MICU3: variants seen among roughly 807,000 people sequenced by gnomAD.
The protein encoded by MICU3 is mitochondrial calcium uptake 3.
A neutral mutation model predicts 66.5 loss-of-function variants in MICU3; 62 were observed. The observed-to-expected ratio is 0.93, with a 90% CI of 0.76 to 1.15. The LOEUF (loss-of-function observed/expected upper bound fraction) is 1.15, where lower values mean the gene tolerates loss of function less well. Among genes scored for constraint, MICU3 ranks in the 50% most tolerant of loss-of-function variants. MICU3 has a pLI of 0.00. For missense variants in MICU3, 779 were observed against 664.4 expected (o/e 1.17, Z -1.90); for synonymous variants, 308 against 240.7 (o/e 1.28, Z -2.59).
chr8:17,077,875 A>G lies in MICU3; in HGVS notation c.646+14A>G. The G allele has an allele frequency of 1.9e-6, 3 of 1,554,096 alleles. No homozygotes were observed. The highest frequency in any genetic ancestry group is 2.3e-5 in the South Asian group (2 of 88,304). ...TTAAAGAAAAAGGTGAGTTAACCTTAGTACTTGTTCTTTTTTTAAACTATA... is the reference window on the plus strand; with the variant it reads ...TTAAAGAAAAAGGTGAGTTAACCTTGGTACTTGTTCTTTTTTTAAACTATA... On this transcript the variant is annotated intron_variant, in intron 4 of 14. Transcript: ENST00000318063.
Position 17,064,140 on chromosome 8 carries a change from G to C in MICU3, c.438G>C (p.Glu146Asp). 1 of 1,613,378 alleles carries C rather than the reference G, an allele frequency of 6.2e-7. No homozygotes were observed. The highest frequency in any genetic ancestry group is 8.5e-7 in the Non-Finnish European group (1 of 1,179,496). ...EDLDLYATSR[E>D]RRFRLFASIE... ...TAGACCTTTATGCCACATCTCGGGAGAGGCGATTTCGTTTATTTGCTTCTA... is the reference window on the plus strand; with the variant it reads ...TAGACCTTTATGCCACATCTCGGGACAGGCGATTTCGTTTATTTGCTTCTA... The change falls in exon 2 of 15, where the codon GAG (glutamate) becomes GAC (aspartate). Residue 146 changes from glutamate to aspartate, a missense_variant. By Grantham distance (45) the Glu-to-Asp change is conservative (BLOSUM62 2). Coordinates refer to ENST00000318063, the MANE Select transcript of MICU3 (RefSeq NM_181723.3).
the MICU3 span, chr8:17,132,372 A>G: frequency 6.6e-6 from 1 of 152,294 alleles, no homozygotes; most frequent in Non-Finnish European, 1.5e-5. Context: ...AACCTGGTAG[A>G]GTAATTCAAA....
At chr8:17,130,070 G>A in the MICU3 span, among the ~76,000 whole-genome samples, 1 of 152,180 alleles carries the variant, frequency 6.6e-6, no homozygotes, top group African/African-American at 2.4e-5. Flanking sequence ...CTGTCGGAGA[G>A]AATGTAACCA....
At chr8:17,088,464 GTAAACAGT>G (rs1799704872) in intron 7 of MICU3, among the ~76,000 whole-genome samples, 1 of 151,832 alleles carries the variant, frequency 6.6e-6, no homozygotes, top group Non-Finnish European at 1.5e-5. Context: ...TACTAAATGA[GTAAACAGT>G]TATTTTAATT....
the MICU3 span, among the ~76,000 whole-genome samples, chr8:17,136,750 A>G: frequency 1.3e-5 from 2 of 151,944 alleles, no homozygotes; most frequent in Non-Finnish European, 2.9e-5. Flanking sequence ...CAGGCAGAGC[A>G]TGGTGGAAGC....
In MICU3 at chr8:17,064,186, T is replaced by C. The variant is rs981248910; in HGVS notation, c.484T>C (p.Phe162Leu). The C allele has an allele frequency of 6.2e-7, 1 of 1,613,000 alleles. No homozygotes were observed. The highest frequency in any genetic ancestry group is 1.1e-5 in the South Asian group (1 of 90,908). Residue 162 changes from phenylalanine to leucine, a missense_variant, in exon 2 of 15, where the codon TTC (phenylalanine) becomes CTC (leucine). Physicochemically the swap from Phe to Leu is conservative, Grantham distance 22. Coordinates refer to ENST00000318063, the MANE Select transcript of MICU3 (RefSeq NM_181723.3). ...TTCTATAGAATGTGAAGGGCAGTTA[T>C]TCATGACTCCGTATGATTTTATTTT... ...FASIECEGQL[F>L]MTPYDFILAV...
chr8:17,034,828 G>T (rs1283469121), intron 1 of MICU3, among the ~76,000 whole-genome samples: 2 of 152,202 alleles, frequency 1.3e-5, no homozygotes, highest in Non-Finnish European at 2.9e-5. Flanking sequence ...GTCTAATCCT[G>T]GTGAAGATGC....
intron 1 of MICU3, among the ~76,000 whole-genome samples, chr8:17,031,487 C>G (rs1311102921): frequency 6.6e-6 from 1 of 151,654 alleles, no homozygotes; most frequent in African/African-American, 2.4e-5. Context: ...CAGGGTTTCA[C>G]TATGTTGGCT....
At chr8:17,123,159 A>T (rs1162917464), downstream of MICU3, among the ~76,000 whole-genome samples, 1 of 152,116 alleles carries the variant, frequency 6.6e-6, no homozygotes. Flanking sequence ...AGCATTTTTA[A>T]TTTCTTAGTA....
Position 17,027,257 on chromosome 8 carries a change from C to T in MICU3, c.-23C>T, listed in dbSNP as rs747414231. The T allele has an allele frequency of 1.3e-5, 18 of 1,384,620 alleles. No individual in the cohort carries two copies. In the African/African-American group the frequency reaches 2.3e-4, roughly 18 times the overall value. 85.8% of individuals were successfully genotyped at this position (1,384,620 alleles called of 1,614,324 possible). On this transcript the variant is annotated 5_prime_UTR_variant, in exon 1 of 15. Coordinates refer to ENST00000318063, the MANE Select transcript of MICU3 (RefSeq NM_181723.3). ...CCCTCCGTTCTCTGCCCCCTCCCAG[C>T]TCTGGTGTGGGCGGCCTCCGCTATG...
intron 3 of MICU3, among the ~76,000 whole-genome samples, chr8:17,074,509 A>G (rs1820084013): frequency 6.6e-6 from 1 of 151,950 alleles, no homozygotes; most frequent in Admixed American, 6.6e-5. Context: ...GTATGTAGAG[A>G]ATGATTTAAT....
At chr8:17,103,950 T>A (rs922548343) in intron 9 of MICU3, among the ~76,000 whole-genome samples, 1 of 151,910 alleles carries the variant, frequency 6.6e-6, no homozygotes, top group Non-Finnish European at 1.5e-5. Flanking sequence ...TCAGCTCCAT[T>A]TATTCAGTAT....
chr8:17,111,423 G>C lies in MICU3; in HGVS notation c.1258-2670G>C, dbSNP rs138622680. Among the ~76,000 whole-genome samples the C allele has an allele frequency of 2.3e-3, 345 of 152,272 alleles. 3 individuals are homozygous for C. The highest frequency in any genetic ancestry group is 7.6e-3 in the African/African-American group (316 of 41,562). On this transcript the variant is annotated intron_variant, in intron 11 of 14. Coordinates refer to ENST00000318063, the MANE Select transcript of MICU3 (RefSeq NM_181723.3). The stretch of plus-strand genomic sequence containing the variant: ...TGCGACCTCAAACTCCTGGGCTCAA[G>C]TGATCCTCCTGCCTCAGCTTCTCAA...
chr8:17,128,854 G>C, the MICU3 span, among the ~76,000 whole-genome samples: 1 of 152,114 alleles, frequency 6.6e-6, no homozygotes, highest in Admixed American at 6.6e-5. Context: ...CCAGGGAAGG[G>C]GAGCTGTGCA....
intron 11 of MICU3, among the ~76,000 whole-genome samples, chr8:17,112,274 T>C (rs1165033685): frequency 6.6e-6 from 1 of 152,238 alleles, no homozygotes; most frequent in African/African-American, 2.4e-5. Flanking sequence ...TTTGATGTTT[T>C]CAGCTTTTCA....
intron 1 of MICU3, among the ~76,000 whole-genome samples, chr8:17,059,302 T>G (rs1016470846): frequency 6.6e-6 from 1 of 152,180 alleles, no homozygotes; most frequent in South Asian, 2.1e-4. Flanking sequence ...TAAGGACCAT[T>G]CTAACTCTAA....
At chr8:17,132,163 A>T in the MICU3 span, 1 of 152,248 alleles carries the variant, frequency 6.6e-6, no homozygotes, top group Non-Finnish European at 1.5e-5. Flanking sequence ...AGCAACTTGC[A>T]TATAAAATTT....
chr8:17,133,596 T>C, the MICU3 span, among the ~76,000 whole-genome samples: 1 of 152,140 alleles, frequency 6.6e-6, no homozygotes, highest in Non-Finnish European at 1.5e-5. Context: ...CCTCTTCCAA[T>C]TTAATAAACT....
At chr8:17,053,278 C>T (rs551724169) in intron 1 of MICU3, among the ~76,000 whole-genome samples, 128 of 152,192 alleles carry the variant, frequency 8.4e-4, no homozygotes, top group African/African-American at 2.9e-3. Context: ...AGCTGGTAGG[C>T]GTAAGTTTCT....
Sources: allele counts gnomAD v4.1 joint callset (sites outside exome capture counted in the v4.1 genomes callset), GRCh38; gene constraint gnomAD v4.1.1; transcripts MANE v1.5; gene names NCBI Gene and HGNC (gene_info 2026-07-23, HGNC 2026-07-21).